The following CDH9 variants were observed in gnomAD, a reference collection of about 807,000 sequenced individuals.
CDH9 encodes cadherin 9.
A neutral mutation model predicts 70.9 loss-of-function variants in CDH9; 28 were observed. The observed-to-expected ratio is 0.40, with a 90% CI of 0.29 to 0.54. CDH9 has a LOEUF of 0.54. Ranked by LOEUF, CDH9 falls within the 20% of genes least tolerant of loss-of-function variation. The pLI, the probability that CDH9 is intolerant of heterozygous loss-of-function variation, is 0.59. For missense variants in CDH9, 874 were observed against 984.4 expected (o/e 0.89, Z 1.50); for synonymous variants, 409 against 343.1 (o/e 1.19, Z -2.12).
chr5:26,922,452 GA>G (rs201394997), intron 2 of CDH9, among the ~76,000 whole-genome samples: 1 of 151,496 alleles, frequency 6.6e-6, no homozygotes, highest in Admixed American at 6.6e-5. Context: ...AGTGCTAAAG[GA>G]AAAAAAATCA....
At chr5:26,912,712 A>G (rs954198911) in intron 3 of CDH9, among the ~76,000 whole-genome samples, 1 of 152,158 alleles carries the variant, frequency 6.6e-6, no homozygotes, top group Non-Finnish European at 1.5e-5. Context: ...AATAATAAAC[A>G]TAACTACTTA....
intron 2 of CDH9, among the ~76,000 whole-genome samples, chr5:26,918,872 A>C (rs1470600693): frequency 6.6e-6 from 1 of 152,116 alleles, no homozygotes; most frequent in Admixed American, 6.5e-5. Context: ...AGCTCTTGGA[A>C]CTTTCTGGCC....
chr5:26,938,043 G>C (rs1484100694), intron 2 of CDH9, among the ~76,000 whole-genome samples: 5 of 151,920 alleles, frequency 3.3e-5, no homozygotes, highest in Non-Finnish European at 7.4e-5. Context: ...GATAATGAAA[G>C]GTATTTATAA....
chr5:26,906,801 A>T lies in CDH9; in HGVS notation c.561T>A (p.Asp187Glu). The T allele has an allele frequency of 6.2e-7, 1 of 1,613,260 alleles. No individual in the cohort carries two copies. The highest frequency in any genetic ancestry group is 8.5e-7 in the Non-Finnish European group (1 of 1,179,508). Reference protein sequence around the residue: ...SVIQVTATDADDANYGNSAKV... With the variant: ...SVIQVTATDAEDANYGNSAKV... ...TGGCACTATTTCCATAGTTGGCGTC[A>T]TCTGCATCTGTTGCAGTTACTTGTA... Residue 187 changes from aspartate (D) to glutamate (E), a missense_variant, in exon 4 of 12, where the codon GAT becomes GAA. Physicochemically the swap from Asp to Glu is conservative, Grantham distance 45. Coordinates refer to ENST00000231021, the MANE Select transcript of CDH9 (RefSeq NM_016279.4).
At chr5:26,901,238 C>A (rs569158747) in intron 7 of CDH9, among the ~76,000 whole-genome samples, 1 of 151,832 alleles carries the variant, frequency 6.6e-6, no homozygotes, top group Non-Finnish European at 1.5e-5. Flanking sequence ...ATAACAAGTA[C>A]ATAATTTGAT....
At chr5:26,999,382 T>C (rs1742725018) in intron 1 of CDH9, among the ~76,000 whole-genome samples, 1 of 152,214 alleles carries the variant, frequency 6.6e-6, no homozygotes, top group South Asian at 2.1e-4. Context: ...GATACTCTTA[T>C]TCAATAGAGA....
chr5:26,957,692 T>C (rs1294835645), intron 2 of CDH9, among the ~76,000 whole-genome samples: 3 of 152,140 alleles, frequency 2.0e-5, no homozygotes, highest in African/African-American at 7.2e-5. Context: ...GTTGAATTAA[T>C]ATTTCTTTGA....
At chr5:27,021,884 A>G (rs1415499221) in intron 1 of CDH9, among the ~76,000 whole-genome samples, 18 of 152,026 alleles carry the variant, frequency 1.2e-4, no homozygotes, top group Non-Finnish European at 2.9e-5. Flanking sequence ...GGAAATCACA[A>G]GAAGAGGAGA....
chr5:26,901,759 C>G (rs1025594477), intron 7 of CDH9, among the ~76,000 whole-genome samples: 1 of 151,674 alleles, frequency 6.6e-6, no homozygotes, highest in Non-Finnish European at 1.5e-5. Flanking sequence ...CCCCTTTGAA[C>G]AATATATGAG....
chr5:26,984,625 G>C (rs1457960481), intron 2 of CDH9, among the ~76,000 whole-genome samples: 1 of 152,114 alleles, frequency 6.6e-6, no homozygotes, highest in Non-Finnish European at 1.5e-5. Flanking sequence ...TAACAGAATA[G>C]TAGGGACATT....
chr5:26,954,569 A>G (rs1414493395), intron 2 of CDH9, among the ~76,000 whole-genome samples: 1 of 151,568 alleles, frequency 6.6e-6, no homozygotes, highest in Non-Finnish European at 1.5e-5. Flanking sequence ...TATTTTCAGT[A>G]GAGACGGGGT....
At chr5:26,912,823 T>C (rs1210453101) in intron 3 of CDH9, among the ~76,000 whole-genome samples, 1 of 152,158 alleles carries the variant, frequency 6.6e-6, no homozygotes, top group Non-Finnish European at 1.5e-5. Flanking sequence ...ACTCCCACAA[T>C]TCCCATGTGT....
intron 1 of CDH9, among the ~76,000 whole-genome samples, chr5:26,999,549 A>G (rs1487649095): frequency 2.0e-5 from 3 of 152,204 alleles, no homozygotes; most frequent in Non-Finnish European, 2.9e-5. Flanking sequence ...GTCATTAAAT[A>G]GAATAGAGTC....
intron 1 of CDH9, among the ~76,000 whole-genome samples, chr5:27,033,267 T>C (rs150287181): frequency 6.6e-6 from 1 of 151,360 alleles, no homozygotes; most frequent in Non-Finnish European, 1.5e-5. Context: ...CAGTTACACA[T>C]TGTAATAATT....
chr5:26,906,735 T>C lies in CDH9; in HGVS notation c.627A>G (p.Ser209=), dbSNP rs369636006. 2 of 1,612,982 alleles carry C rather than the reference T, an allele frequency of 1.2e-6. No homozygotes were observed. The highest frequency in any genetic ancestry group is 1.7e-6 in the Non-Finnish European group (2 of 1,179,518). Residue 209 remains serine (S), a synonymous_variant, in exon 4 of 12, where the codon TCA becomes TCG. Coordinates refer to ENST00000231021, the MANE Select transcript of CDH9 (RefSeq NM_016279.4). ...YSILQGQPYF[S]VDPESGIIKT... The stretch of plus-strand genomic sequence containing the variant: ...ATGTTGTACCTGATTCTGGGTCCAC[T>C]GAAAAATATGGCTGTCCTTGCAATA...
intron 2 of CDH9, among the ~76,000 whole-genome samples, chr5:26,975,268 G>A (rs1434972858): frequency 1.3e-5 from 2 of 152,110 alleles, no homozygotes; most frequent in African/African-American, 4.8e-5. Context: ...TACCGCCAAA[G>A]CAGATTCCAA....
intron 2 of CDH9, among the ~76,000 whole-genome samples, chr5:26,957,368 A>C (rs1741964256): frequency 6.6e-6 from 1 of 152,152 alleles, no homozygotes; most frequent in Non-Finnish European, 1.5e-5. Context: ...CTAGTTATTG[A>C]AAATTATCTT....
chr5:26,952,920 A>AG (rs1561015745), intron 2 of CDH9, among the ~76,000 whole-genome samples: 1,547 of 119,828 alleles, frequency 0.013, 34 homozygotes, highest in African/African-American at 0.053. Context: ...AAAAAAAAAA[A>AG]AAGTTTAAAG....
At chr5:26,958,726 A>T (rs1741986866) in intron 2 of CDH9, among the ~76,000 whole-genome samples, 1 of 152,212 alleles carries the variant, frequency 6.6e-6, no homozygotes, top group Admixed American at 6.5e-5. Context: ...TATGTAAAAG[A>T]ATTCACTGTA....
Sources: gnomAD v4.1 joint callset for allele counts (sites outside exome capture counted in the v4.1 genomes callset) on GRCh38, gnomAD v4.1.1 for gene constraint, MANE v1.5 for transcripts, NCBI Gene and HGNC (gene_info 2026-07-23, HGNC 2026-07-21) for gene names.